The following ASAH2 variants were observed in gnomAD, a reference collection of about 807,000 sequenced individuals.
The protein encoded by ASAH2 is N-acylsphingosine amidohydrolase 2.
ASAH2 carries 58 observed loss-of-function variants against 82.9 expected under a neutral mutation model. The observed-to-expected ratio is 0.70, with a 90% confidence interval of 0.57 to 0.87. The LOEUF is 0.87. Among genes scored for constraint, ASAH2 ranks in the 40% least tolerant of loss-of-function variants. The pLI is 0.00. For missense variants in ASAH2, 779 were observed against 834.0 expected (o/e 0.93, Z 0.81); for synonymous variants, 276 against 289.7 (o/e 0.95, Z 0.48).
intron 7 of ASAH2, among the ~76,000 whole-genome samples, chr10:50,226,057 C>T (rs1845876291): frequency 6.6e-6 from 1 of 151,694 alleles, no homozygotes; most frequent in Non-Finnish European, 1.5e-5. Flanking sequence ...TGCACCACTG[C>T]ACTCCAGCCT....
chr10:50,218,604 A>C lies in ASAH2; in HGVS notation c.920T>G (p.Met307Arg). Residue 307 changes from methionine to arginine, a missense_variant, in exon 8 of 21, where the codon ATG becomes AGG. Met to Arg is a moderately conservative substitution (Grantham distance 91). Coordinates refer to ENST00000682911, the MANE Select transcript of ASAH2 (RefSeq NM_019893.4). ...GTTTACAAGATGGTTACTGTTGTTC[A>C]TGCTGACCGGGTGGATGGCAAACCA... is the stretch of plus-strand genomic sequence containing the variant. Reference protein sequence around the residue: ...ISWFAIHPVSMNNSNHLVNSD... With the variant: ...ISWFAIHPVSRNNSNHLVNSD... The C allele has an allele frequency of 1.2e-6, 2 of 1,613,830 alleles. No individual in the cohort carries two copies. The highest frequency in any genetic ancestry group is 2.2e-5 in the East Asian group (1 of 44,874).
At chr10:50,204,357 G>C (rs893073539) in intron 14 of ASAH2, among the ~76,000 whole-genome samples, 2 of 151,918 alleles carry the variant, frequency 1.3e-5, no homozygotes, top group Non-Finnish European at 2.9e-5. Flanking sequence ...GTGACAGAAG[G>C]TGTTGGGTAG....
intron 12 of ASAH2, 65 bp downstream of exon 12, chr10:50,210,758 A>G (rs1330343264): frequency 2.3e-6 from 3 of 1,290,394 alleles, no homozygotes; most frequent in Non-Finnish European, 3.4e-6. Flanking sequence ...ATGAAACCTG[A>G]TCAGAGAACA....
rs374169293 is a variant in ASAH2 at position 50,214,762 on chromosome 10, C to G, written c.1121G>C (p.Ser374Thr). Residue 374 changes from serine (S) to threonine (T), a missense_variant, in exon 9 of 21, where the codon AGC (serine) becomes ACC (threonine). This residue lies in a region of ASAH2 where 759 missense variants were observed against 755.2 expected (regional missense o/e 1.00). Transcript: ENST00000682911. The part of the protein sequence containing the change: ...NTGESCDNAN[S>T]TCPIGGPSMC... ...ACCTACCCCACCAATGGGACAAGTG[C>G]TATTGGCGTTATCACAGGACTCTCC... 3 of 1,613,616 alleles carry G rather than the reference C, an allele frequency of 1.9e-6. No homozygotes were observed. The highest frequency in any genetic ancestry group is 2.5e-6 in the Non-Finnish European group (3 of 1,179,704).
At chr10:50,219,356 C>T (rs1845685172) in intron 7 of ASAH2, among the ~76,000 whole-genome samples, 1 of 152,184 alleles carries the variant, frequency 6.6e-6, no homozygotes, top group Non-Finnish European at 1.5e-5. Flanking sequence ...TGTTTTACCT[C>T]TACTCTGCAT....
chr10:50,244,140 A>T (rs183092648), intron 3 of ASAH2, among the ~76,000 whole-genome samples: 4 of 152,356 alleles, frequency 2.6e-5, no homozygotes, highest in East Asian at 1.9e-4. Flanking sequence ...GGAGCGGGAC[A>T]TATGCAGAAC....
chr10:50,205,870 T>C (rs1247331983), intron 13 of ASAH2, 112 bp downstream of exon 13: 1 of 908,054 alleles, frequency 1.1e-6, no homozygotes, highest in Non-Finnish European at 1.8e-6. Context: ...GATATGGGAA[T>C]ATCTAAATAA....
chr10:50,188,944 T>C (rs1213935971), intron 20 of ASAH2, among the ~76,000 whole-genome samples: 1 of 134,638 alleles, frequency 7.4e-6, no homozygotes, highest in African/African-American at 2.9e-5. Context: ...ACTCAGGAAT[T>C]TGGTAGCAAA....
At chr10:50,227,819 G>A (rs1263055680) in intron 7 of ASAH2, among the ~76,000 whole-genome samples, 1 of 152,174 alleles carries the variant, frequency 6.6e-6, no homozygotes, top group East Asian at 1.9e-4. Context: ...CACCATCTTG[G>A]TCATCTAAAA....
At chr10:50,249,888 A>G (rs1898198) in intron 1 of ASAH2, among the ~76,000 whole-genome samples, 51,247 of 151,964 alleles carry the variant, frequency 0.34, 10,582 homozygotes, top group Non-Finnish European at 0.45. Context: ...GAATCCCAGG[A>G]TTTGCCCCCA....
At chr10:50,221,225 G>A (rs1205057085) in intron 7 of ASAH2, among the ~76,000 whole-genome samples, 1 of 152,122 alleles carries the variant, frequency 6.6e-6, no homozygotes, top group African/African-American at 2.4e-5. Flanking sequence ...TAGAACTCAA[G>A]TATCAGGAAA....
Position 50,236,034 on chromosome 10 carries a change from A to T in ASAH2, c.541T>A (p.Ser181Thr). 6.2e-7 allele frequency: 1 copy of T among 1,613,316 alleles called. No individual in the cohort carries two copies. Among genetic ancestry groups the T allele is most frequent in the African/African-American group, 1.3e-5 (1 of 74,984 alleles). Residue 181 changes from serine to threonine, a missense_variant, in exon 5 of 21, where the codon TCC (serine) becomes ACC (threonine). By Grantham distance (58) the Ser-to-Thr change is moderately conservative (BLOSUM62 1). Coordinates refer to ENST00000682911, the MANE Select transcript of ASAH2 (RefSeq NM_019893.4). ...ATGACATTATCTCTTCTGTACAGGGAGCCATATTTACTCTGCAGTCTGTTC... is the reference window on the plus strand; with the variant it reads ...ATGACATTATCTCTTCTGTACAGGGTGCCATATTTACTCTGCAGTCTGTTC... ...VLNRLQSKYG[S>T]LYRRDNVILS...
chr10:50,217,946 G>A (rs1329716710), intron 8 of ASAH2, among the ~76,000 whole-genome samples: 7 of 152,044 alleles, frequency 4.6e-5, no homozygotes, highest in Admixed American at 3.3e-4. Context: ...CCAACATGGC[G>A]AAACCCTGTC....
intron 7 of ASAH2, among the ~76,000 whole-genome samples, chr10:50,221,698 G>A (rs367641739): frequency 7.5e-4 from 110 of 147,348 alleles, no homozygotes; most frequent in African/African-American, 2.2e-3. Flanking sequence ...ATAGATGGAT[G>A]GATAGATAGA....
At position 50,234,485 on chromosome 10, in the gene ASAH2, C is replaced by G; in HGVS notation, c.755G>C (p.Gly252Ala). Residue 252 changes from glycine to alanine, a missense_variant, in exon 6 of 21, where the codon GGT (glycine) becomes GCT (alanine). This residue lies in a region of ASAH2 where 759 missense variants were observed against 755.2 expected (regional missense o/e 1.00). Transcript: ENST00000682911. ...KIFINKGNVD[G>A]VQINRSPYSY... is the part of the protein sequence containing the mutation. The stretch of plus-strand genomic sequence containing the variant: ...ATACGGACTTCTGTTGATCTGCACA[C>G]CATCCACATTTCCTTTATTGATGAA... 6.2e-7 allele frequency: 1 copy of G among 1,613,094 alleles called. No homozygotes were observed. The highest frequency in any genetic ancestry group is 8.5e-7 in the Non-Finnish European group (1 of 1,179,326).
Position 50,243,222 on chromosome 10 carries a change from A to C in ASAH2, c.490T>G (p.Ser164Ala). ...VFVSIDIGMV[S>A]QRLRLEVLNR... ...CTTACCTCCAGCCTGAGCCTTTGTG[A>C]TACCATGCCTATGTCGATGCTGACA... The change falls in exon 4 of 21, where the codon TCA (serine) becomes GCA (alanine). Residue 164 changes from serine (S) to alanine (A), a missense_variant. Physicochemically the swap from Ser to Ala is moderately conservative, Grantham distance 99 (BLOSUM62 1). Transcript: ENST00000682911. The C allele has an allele frequency of 6.2e-7, 1 of 1,614,076 alleles. No individual in the cohort carries two copies. The highest frequency in any genetic ancestry group is 1.3e-5 in the African/African-American group (1 of 75,056).
At chr10:50,225,035 G>A (rs1489613624) in intron 7 of ASAH2, among the ~76,000 whole-genome samples, 5 of 152,196 alleles carry the variant, frequency 3.3e-5, no homozygotes, top group African/African-American at 4.8e-5. Flanking sequence ...CCCCAGAGAA[G>A]TGATGTACGT....
intron 4 of ASAH2, among the ~76,000 whole-genome samples, chr10:50,236,291 A>T (rs1284704570): frequency 6.6e-6 from 1 of 152,168 alleles, no homozygotes; most frequent in African/African-American, 2.4e-5. Context: ...ACTTATAATC[A>T]TGGCAGAAGG....
chr10:50,188,915 T>C (rs188645786), intron 20 of ASAH2, among the ~76,000 whole-genome samples: 14,427 of 130,236 alleles, frequency 0.11, 2,012 homozygotes, highest in South Asian at 0.17. Flanking sequence ...CATTATCAAA[T>C]CTTCAAAATA....
Sources: allele counts gnomAD v4.1 joint callset (sites outside exome capture counted in the v4.1 genomes callset), GRCh38; gene constraint gnomAD v4.1.1; regional missense constraint gnomAD v4.1.1; transcripts MANE v1.5; gene names NCBI Gene and HGNC (gene_info 2026-07-23, HGNC 2026-07-21).